LRRFIP1: variants seen among roughly 807,000 people sequenced by gnomAD.
The protein encoded by LRRFIP1 is leucine-rich repeat flightless-interacting protein 1.
LRRFIP1 carries 62 observed loss-of-function variants against 104.4 expected under a neutral mutation model. That is an observed-to-expected ratio of 0.59 (90% CI 0.48 to 0.73). LRRFIP1 has a LOEUF of 0.73. Among genes scored for constraint, LRRFIP1 ranks in the 30% least tolerant of loss-of-function variants. The pLI, the probability that LRRFIP1 is intolerant of heterozygous loss-of-function variation, is 0.00. For synonymous variants in LRRFIP1, 300 were observed against 299.0 expected (o/e 1.00, Z -0.03); for missense variants, 796 against 824.5 (o/e 0.97, Z 0.42).
At chr2:237,761,468 C>G (rs2059864632) in intron 19 of LRRFIP1, among the ~76,000 whole-genome samples, 1 of 152,242 alleles carries the variant, frequency 6.6e-6, no homozygotes, top group Non-Finnish European at 1.5e-5. Context: ...GATTACGCTG[C>G]TCTTACTCAA....
chr2:237,733,128 G>A (rs1037219797), intron 8 of LRRFIP1, among the ~76,000 whole-genome samples: 1 of 152,156 alleles, frequency 6.6e-6, no homozygotes, highest in Middle Eastern at 3.2e-3. Context: ...ATTCTGTCCC[G>A]TGGCACAGTC....
intron 1 of LRRFIP1, among the ~76,000 whole-genome samples, chr2:237,660,461 C>T (rs1029529230): frequency 3.3e-5 from 5 of 150,618 alleles, no homozygotes; most frequent in Non-Finnish European, 7.4e-5. Flanking sequence ...GGTTTGGGGA[C>T]ATAGGGACCC....
intron 1 of LRRFIP1, among the ~76,000 whole-genome samples, chr2:237,662,208 C>T (rs2088144697): frequency 6.6e-6 from 1 of 152,186 alleles, no homozygotes; most frequent in Admixed American, 6.5e-5. Context: ...ACGTGGCCCC[C>T]TCCCTGGGTA....
chr2:237,774,936 A>G (rs933986494), intron 23 of LRRFIP1, among the ~76,000 whole-genome samples: 2 of 152,154 alleles, frequency 1.3e-5, no homozygotes, highest in Non-Finnish European at 2.9e-5. Context: ...TGCTGGTCAC[A>G]CTCCCAAATT....
At chr2:237,702,734 G>T (rs2093606355) in intron 1 of LRRFIP1, among the ~76,000 whole-genome samples, 1 of 152,114 alleles carries the variant, frequency 6.6e-6, no homozygotes, top group Non-Finnish European at 1.5e-5. Flanking sequence ...CTGCTGCACG[G>T]CAGGGGCCCT....
At position 237,711,412 on chromosome 2, in the gene LRRFIP1, C is replaced by T. The variant is rs1291245919; in HGVS notation, c.183+2782C>T. Reference sequence around the variant, plus strand: ...TGTTGCAAATTCGGCGGAACATCCGCCACTGAGAGCGGTGGTTTTGGTCTG... The same window carrying T: ...TGTTGCAAATTCGGCGGAACATCCGTCACTGAGAGCGGTGGTTTTGGTCTG... On this transcript the variant is annotated intron_variant, in intron 2 of 23. Transcript: ENST00000308482. This position sits in a 1 kb window ranked among gnomAD's most constrained non-coding sequence, Gnocchi z 4.4. 1.3e-5 allele frequency among the ~76,000 whole-genome samples: 2 copies of T among 152,244 alleles called. No homozygotes were observed. The highest frequency in any genetic ancestry group is 1.5e-5 in the Non-Finnish European group (1 of 68,050).
chr2:237,629,048 G>A lies in LRRFIP1; in HGVS notation c.96+1308G>A, dbSNP rs560774868. 3.9e-5 allele frequency among the ~76,000 whole-genome samples: 6 copies of A among 152,212 alleles called. No individual in the cohort carries two copies. The South Asian group carries it at 1.2e-3, about 32-fold the overall frequency. The stretch of plus-strand genomic sequence containing the variant: ...CTCCACGGCCCTCCATGGCATGCCC[G>A]CGCCTGGCATGGCAGTCAGGATACC... On this transcript the variant is annotated intron_variant, in intron 1 of 23. Coordinates refer to ENST00000308482, the MANE Select transcript of LRRFIP1 (RefSeq NM_001137550.2).
At chr2:237,652,935 C>T (rs1362374766) in intron 1 of LRRFIP1, among the ~76,000 whole-genome samples, 1 of 152,204 alleles carries the variant, frequency 6.6e-6, no homozygotes, top group African/African-American at 2.4e-5. Context: ...GTAATTGGAT[C>T]ATGGGGGCAG....
At chr2:237,752,610 C>G (rs1457886451) in intron 14 of LRRFIP1, among the ~76,000 whole-genome samples, 1 of 152,170 alleles carries the variant, frequency 6.6e-6, no homozygotes, top group Admixed American at 6.5e-5. Flanking sequence ...TTCTGCCTCT[C>G]TGTTTTGGAA....
intron 2 of LRRFIP1, among the ~76,000 whole-genome samples, chr2:237,713,815 GTGTC>G (rs772856646): frequency 7.9e-5 from 12 of 152,158 alleles, no homozygotes; most frequent in Non-Finnish European, 1.2e-4. Flanking sequence ...TATTCTGTGT[GTGTC>G]TGTGTGAATC....
chr2:237,767,932 G>A (rs922491558), intron 19 of LRRFIP1, among the ~76,000 whole-genome samples: 8 of 152,206 alleles, frequency 5.3e-5, no homozygotes, highest in South Asian at 2.1e-4. Flanking sequence ...ATAGTTGTAC[G>A]TGGAGAAAAC....
chr2:237,642,478 A>T (rs1236570786), intron 1 of LRRFIP1, among the ~76,000 whole-genome samples: 1 of 150,034 alleles, frequency 6.7e-6, no homozygotes, highest in Admixed American at 6.6e-5. Flanking sequence ...TGAGGGTTTC[A>T]GGTTCCGGGT....
chr2:237,706,061 A>G (rs1027770791), intron 1 of LRRFIP1, among the ~76,000 whole-genome samples: 1 of 152,224 alleles, frequency 6.6e-6, no homozygotes, highest in Admixed American at 6.5e-5. Context: ...GCCATGTAAT[A>G]CAGCCTAATT....
At chr2:237,769,548 G>A (rs562313554) in intron 19 of LRRFIP1, 26 of 202,068 alleles carry the variant, frequency 1.3e-4, no homozygotes, top group Middle Eastern at 2.1e-3. Flanking sequence ...TCGGAAAGGC[G>A]AGGCTGTTCA....
intron 2 of LRRFIP1, among the ~76,000 whole-genome samples, chr2:237,713,252 G>A (rs568117980): frequency 2.0e-5 from 3 of 152,300 alleles, no homozygotes; most frequent in African/African-American, 4.8e-5. Flanking sequence ...TCTCTTTCTT[G>A]AATGGTTCTT....
At chr2:237,708,368 T>C (rs1454190537) in intron 1 of LRRFIP1, among the ~76,000 whole-genome samples, 176 bp from the exon 2 acceptor site, 1 of 152,146 alleles carries the variant, frequency 6.6e-6, no homozygotes, top group Non-Finnish European at 1.5e-5. Flanking sequence ...ATGGTAGCAG[T>C]TCTTATAACT....
At position 237,753,476 on chromosome 2, in the gene LRRFIP1, CAAAGT is replaced by C. The variant is rs1416849841; in HGVS notation, c.1038_1038+4del. 1 of 1,585,368 alleles carries C rather than the reference CAAAGT, an allele frequency of 6.3e-7. No homozygotes were observed. The highest frequency in any genetic ancestry group is 2.3e-5 in the East Asian group (1 of 44,370). ...CTAGGCGGCAGTACGAAGAGAAAAA[CAAAGT>C]AAGCATTAGTATGATACAGAATGTT... On this transcript the variant is annotated splice_donor_variant and coding_sequence_variant, in exon 15 of 24. Coordinates refer to ENST00000308482, the MANE Select transcript of LRRFIP1 (RefSeq NM_001137550.2). LOFTEE classifies it high-confidence loss of function.
chr2:237,667,666 C>T (rs535187610), intron 1 of LRRFIP1, among the ~76,000 whole-genome samples: 67 of 152,332 alleles, frequency 4.4e-4, no homozygotes, highest in African/African-American at 1.5e-3. Flanking sequence ...AATTTACACT[C>T]CCACCAACAG....
At chr2:237,676,898 C>T (rs537530507) in intron 1 of LRRFIP1, among the ~76,000 whole-genome samples, 2 of 152,212 alleles carry the variant, frequency 1.3e-5, no homozygotes, top group African/African-American at 4.8e-5. Flanking sequence ...GCTGATTTCA[C>T]GTGGAGTCTG....
Sources: gnomAD v4.1 joint callset for allele counts (sites outside exome capture counted in the v4.1 genomes callset) on GRCh38, gnomAD v4.1.1 for gene constraint, Gnocchi (gnomAD v3.1) non-coding constraint, MANE v1.5 for transcripts, NCBI Gene and HGNC (gene_info 2026-07-23, HGNC 2026-07-21) for gene names.